PRR16: variants seen among roughly 807,000 people sequenced by gnomAD.
The protein encoded by PRR16 is proline rich 16, also known as protein Largen.
Under a neutral mutation model 18.2 loss-of-function variants are expected in PRR16, and 6 were observed. The ratio of observed to expected loss-of-function variants is 0.33; its 90% confidence interval spans 0.18 to 0.65. PRR16 has a LOEUF of 0.65. Among genes scored for constraint, PRR16 ranks in the 30% least tolerant of loss-of-function variants. The pLI, the probability that PRR16 is intolerant of heterozygous loss-of-function variation, is 0.74. For missense variants in PRR16, 412 were observed against 376.6 expected (o/e 1.09, Z -0.78); for synonymous variants, 151 against 147.8 (o/e 1.02, Z -0.16).
intron 1 of PRR16, among the ~76,000 whole-genome samples, chr5:120,478,312 T>A (rs1037594878): frequency 1.3e-5 from 2 of 152,178 alleles, no homozygotes; most frequent in African/African-American, 2.4e-5. Context: ...TCTTGCCTAA[T>A]ATATATGGTG....
At chr5:120,662,021 T>A (rs752470204) in intron 1 of PRR16, among the ~76,000 whole-genome samples, 18 of 152,040 alleles carry the variant, frequency 1.2e-4, no homozygotes, top group Non-Finnish European at 2.9e-5. Context: ...TAGGCACAGC[T>A]GGGGTGGAAA....
At chr5:120,601,048 CT>C (rs200642781) in intron 1 of PRR16, among the ~76,000 whole-genome samples, 1 of 151,930 alleles carries the variant, frequency 6.6e-6, no homozygotes, top group Non-Finnish European at 1.5e-5. Context: ...CTGCATATGT[CT>C]TTTTGGTAGA....
chr5:120,588,921 A>T (rs1170101507), intron 1 of PRR16, among the ~76,000 whole-genome samples: 1 of 150,362 alleles, frequency 6.7e-6, no homozygotes, highest in South Asian at 2.1e-4. Context: ...TGTCTAACCA[A>T]TAGATTTTTT....
At chr5:120,747,770 G>A in the PRR16 span, among the ~76,000 whole-genome samples, 1 of 151,660 alleles carries the variant, frequency 6.6e-6, no homozygotes. Context: ...AAGGAAGGAA[G>A]GAAGGAGAAA....
At position 120,625,480 on chromosome 5, in the gene PRR16, G is replaced by A. The variant is rs141944872; in HGVS notation, c.160-60474G>A. Among the ~76,000 whole-genome samples, 674 of 152,188 alleles carry A rather than the reference G, an allele frequency of 4.4e-3. 5 individuals are homozygous for A. The highest frequency in any genetic ancestry group is 0.016 in the African/African-American group (650 of 41,528). On this transcript the variant is annotated intron_variant, in intron 1 of 1. Transcript: ENST00000407149. The stretch of plus-strand genomic sequence containing the variant: ...AGCCTCCTGAGTAGCTGGGACTATC[G>A]ATGTGATCCACCATGCCCAGCTAAT...
downstream of PRR16, among the ~76,000 whole-genome samples, chr5:120,692,031 G>A (rs997009670): frequency 6.6e-6 from 1 of 152,156 alleles, no homozygotes; most frequent in African/African-American, 2.4e-5. Flanking sequence ...CTTAGGGCCA[G>A]TAAGTGGTCA....
chr5:120,497,178 C>T (rs1750275112), intron 1 of PRR16, among the ~76,000 whole-genome samples: 1 of 152,076 alleles, frequency 6.6e-6, no homozygotes, highest in African/African-American at 2.4e-5. Context: ...GTGCATTCTG[C>T]TCTTTCAAGG....
intron 1 of PRR16, among the ~76,000 whole-genome samples, chr5:120,556,044 G>A (rs183923344): frequency 1.3e-5 from 2 of 151,606 alleles, no homozygotes; most frequent in Admixed American, 1.3e-4. Flanking sequence ...TTCAGAGAAT[G>A]CTGAAATGGA....
chr5:120,614,456 A>G (rs1754442506), intron 1 of PRR16, among the ~76,000 whole-genome samples: 1 of 152,234 alleles, frequency 6.6e-6, no homozygotes, highest in African/African-American at 2.4e-5. Flanking sequence ...CCAATGGCCA[A>G]TGCCAAGCCT....
intron 1 of PRR16, among the ~76,000 whole-genome samples, chr5:120,663,385 T>G (rs1756243081): frequency 6.6e-6 from 1 of 152,156 alleles, no homozygotes; most frequent in East Asian, 1.9e-4. Context: ...GACCTCACTT[T>G]TTATAAGTAA....
intron 1 of PRR16, among the ~76,000 whole-genome samples, chr5:120,526,787 C>G (rs1375789614): frequency 1.3e-5 from 2 of 152,262 alleles, no homozygotes; most frequent in African/African-American, 4.8e-5. Context: ...ACTGTATCTA[C>G]GGGATTTCAC....
intron 1 of PRR16, among the ~76,000 whole-genome samples, chr5:120,548,677 A>G (rs925408050): frequency 6.9e-6 from 1 of 145,378 alleles, no homozygotes; most frequent in Non-Finnish European, 1.5e-5. Flanking sequence ...ATCTTTTATC[A>G]GTAGAACTGG....
At chr5:120,539,111 C>A (rs1314473804) in intron 1 of PRR16, among the ~76,000 whole-genome samples, 1 of 152,064 alleles carries the variant, frequency 6.6e-6, no homozygotes, top group Non-Finnish European at 1.5e-5. Context: ...TGACAGGCAA[C>A]TTTGACGCCA....
At chr5:120,760,736 C>T in the PRR16 span, among the ~76,000 whole-genome samples, 2 of 152,146 alleles carry the variant, frequency 1.3e-5, no homozygotes, top group South Asian at 2.1e-4. Context: ...GAGCAACCTT[C>T]GACCAATATC....
At chr5:120,763,698 TTCTC>T in the PRR16 span, among the ~76,000 whole-genome samples, 1 of 152,138 alleles carries the variant, frequency 6.6e-6, no homozygotes, top group African/African-American at 2.4e-5. Flanking sequence ...TGGGATTTCT[TTCTC>T]TTTGTTCATG....
At chr5:120,719,791 T>C in the PRR16 span, among the ~76,000 whole-genome samples, 6 of 152,076 alleles carry the variant, frequency 3.9e-5, no homozygotes, top group Non-Finnish European at 5.9e-5. Flanking sequence ...CATCTTAGAC[T>C]CAGTTAAGTT....
At chr5:120,766,207 C>T in the PRR16 span, among the ~76,000 whole-genome samples, 28 of 152,100 alleles carry the variant, frequency 1.8e-4, no homozygotes, top group South Asian at 3.7e-3. Context: ...TGCAAATTTA[C>T]ACCTGACACC....
the PRR16 span, among the ~76,000 whole-genome samples, chr5:120,745,792 G>C: frequency 1.5e-4 from 23 of 151,406 alleles, no homozygotes; most frequent in Non-Finnish European, 2.7e-4. Flanking sequence ...TCCTCCTCCC[G>C]TGTTCAAGTG....
At chr5:120,701,792 G>T in the PRR16 span, among the ~76,000 whole-genome samples, 47,800 of 151,910 alleles carry the variant, frequency 0.31, 7,987 homozygotes, top group Middle Eastern at 0.44. Flanking sequence ...CAGAGACTAG[G>T]AAGGGACTGA....
Sources: gnomAD v4.1 joint callset for allele counts (sites outside exome capture counted in the v4.1 genomes callset) on GRCh38, gnomAD v4.1.1 for gene constraint, MANE v1.5 for transcripts, NCBI Gene and HGNC (gene_info 2026-07-23, HGNC 2026-07-21) for gene names.